Variants in APLF observed in about 807,000 individuals in gnomAD.
APLF encodes aprataxin and PNKP like factor, also known as aprataxin and PNK-like factor.
A neutral mutation model predicts 55.6 loss-of-function variants in APLF; 61 were observed. The observed-to-expected ratio is 1.10, with a 90% CI of 0.89 to 1.36. The LOEUF is 1.36. Among genes scored for constraint, APLF ranks in the 40% most tolerant of loss-of-function variants. The probability of loss-of-function intolerance (pLI) is 0.00; values close to 1 mark genes in which losing one functional copy is unlikely to be tolerated. For synonymous variants in APLF, 207 were observed against 214.8 expected, an observed-to-expected ratio of 0.96 and a Z score of 0.32; for missense variants, 611 against 602.5, an observed-to-expected ratio of 1.01 and a Z score of -0.15.
At chr2:68,558,515 TTTG>T (rs1228985552) in intron 8 of APLF, among the ~76,000 whole-genome samples, 1 of 152,218 alleles carries the variant, frequency 6.6e-6, no homozygotes, top group Non-Finnish European at 1.5e-5. Context: ...GATAAACCAT[TTTG>T]TTTTGATAGG....
intron 8 of APLF, among the ~76,000 whole-genome samples, chr2:68,554,097 G>C (rs1670942946): frequency 6.6e-6 from 1 of 151,948 alleles, no homozygotes; most frequent in African/African-American, 2.4e-5. Flanking sequence ...TAGGTTCAAA[G>C]TTTTATCACT....
At chr2:68,573,823 G>A (rs980026575) in intron 9 of APLF, among the ~76,000 whole-genome samples, 1 of 151,970 alleles carries the variant, frequency 6.6e-6, no homozygotes, top group Non-Finnish European at 1.5e-5. Context: ...TTTTTGTTGG[G>A]TAAGATGTGA....
intron 1 of APLF, among the ~76,000 whole-genome samples, chr2:68,479,075 G>A (rs1242330033): frequency 1.3e-5 from 2 of 152,116 alleles, no homozygotes; most frequent in East Asian, 3.8e-4. Flanking sequence ...CATGAGTTGA[G>A]TAACGAAGGT....
At chr2:68,548,800 A>G (rs1295146323) in intron 8 of APLF, among the ~76,000 whole-genome samples, 1 of 151,790 alleles carries the variant, frequency 6.6e-6, no homozygotes, top group Non-Finnish European at 1.5e-5. Context: ...AGTGGAGAGA[A>G]TGTAGAATAA....
intron 5 of APLF, among the ~76,000 whole-genome samples, chr2:68,520,296 C>T (rs1340914919): frequency 6.6e-6 from 1 of 151,818 alleles, no homozygotes; most frequent in African/African-American, 2.4e-5. Context: ...ATTTCTTTTG[C>T]GTGCAGAAGC....
At chr2:68,494,388 A>C (rs1676472664) in intron 2 of APLF, among the ~76,000 whole-genome samples, 1 of 151,224 alleles carries the variant, frequency 6.6e-6, no homozygotes, top group African/African-American at 2.4e-5. Flanking sequence ...GTGAAGCCTT[A>C]GGGAACTTTC....
At chr2:68,470,415 T>C (rs1675581024) in intron 1 of APLF, among the ~76,000 whole-genome samples, 1 of 152,214 alleles carries the variant, frequency 6.6e-6, no homozygotes, top group Non-Finnish European at 1.5e-5. Context: ...TCAGTATCAA[T>C]ATCTTAGGTT....
At chr2:68,531,274 G>A (rs375778203) in intron 6 of APLF, 2 of 152,320 alleles carry the variant, frequency 1.3e-5, no homozygotes, top group African/African-American at 4.8e-5. Context: ...CCTCTCTAGC[G>A]AGAGGTAGCT....
At chr2:68,551,603 C>CTTT (rs70954311) in intron 8 of APLF, among the ~76,000 whole-genome samples, 2,135 of 115,614 alleles carry the variant, frequency 0.018, 33 homozygotes, top group African/African-American at 0.03. Context: ...TCTTCTTCTT[C>CTTT]TTTTTTTTTT....
At position 68,513,958 on chromosome 2, in the gene APLF, G is replaced by T. The variant is rs143423769; in HGVS notation, c.622+278G>T. Among the ~76,000 whole-genome samples the T allele has an allele frequency of 5.2e-3, 793 of 151,752 alleles. 2 individuals are homozygous for T. The highest frequency in any genetic ancestry group is 8.3e-3 in the Admixed American group (126 of 15,190). ...TAAAGACTTCCAAACAAACCTCTTGGTGCTATGTCTAGGATAAAAGGCCAG... is the reference window on the plus strand; with the variant it reads ...TAAAGACTTCCAAACAAACCTCTTGTTGCTATGTCTAGGATAAAAGGCCAG... On this transcript the variant is annotated intron_variant, in intron 5 of 9. Transcript: ENST00000303795.
At chr2:68,493,789 C>T (rs780985125) in intron 2 of APLF, among the ~76,000 whole-genome samples, 1 of 152,152 alleles carries the variant, frequency 6.6e-6, no homozygotes, top group Non-Finnish European at 1.5e-5. Flanking sequence ...CATGGTGAAA[C>T]CCTGTCTCTA....
chr2:68,504,803 T>G (rs750468439), intron 3 of APLF, among the ~76,000 whole-genome samples: 4 of 151,916 alleles, frequency 2.6e-5, no homozygotes, highest in African/African-American at 9.7e-5. Context: ...GCCACAAAAG[T>G]GTCTATTATA....
chr2:68,571,215 T>C (rs909046924), intron 9 of APLF, among the ~76,000 whole-genome samples: 3 of 152,162 alleles, frequency 2.0e-5, no homozygotes, highest in Admixed American at 1.3e-4. Context: ...GGTGAGTAGA[T>C]TGCAAAAATT....
At chr2:68,515,701 A>C in intron 5 of APLF, 1 of 984,000 alleles carries the variant, frequency 1.0e-6, no homozygotes, top group Non-Finnish European at 1.2e-6. Context: ...AAAATGCTAA[A>C]GCTTCAAAAT....
At chr2:68,496,321 T>A (rs945601738) in intron 2 of APLF, among the ~76,000 whole-genome samples, 1 of 152,148 alleles carries the variant, frequency 6.6e-6, no homozygotes, top group African/African-American at 2.4e-5. Flanking sequence ...GCCAGCCTGG[T>A]CTCAAGCTCC....
chr2:68,493,049 CTG>C (rs2103912941), intron 2 of APLF, among the ~76,000 whole-genome samples: 1 of 152,162 alleles, frequency 6.6e-6, no homozygotes, highest in East Asian at 1.9e-4. Context: ...TCTTTGAACT[CTG>C]TAGTATTTTT....
At chr2:68,508,860 T>C (rs1330233524) in intron 3 of APLF, among the ~76,000 whole-genome samples, 2 of 152,138 alleles carry the variant, frequency 1.3e-5, no homozygotes, top group African/African-American at 4.8e-5. Flanking sequence ...ATGGTACTGG[T>C]ACCAAAACAG....
intron 8 of APLF, among the ~76,000 whole-genome samples, chr2:68,553,137 G>T (rs1483613394): frequency 2.0e-5 from 3 of 152,070 alleles, no homozygotes; most frequent in Non-Finnish European, 2.9e-5. Context: ...ACGACTGTTA[G>T]TCTTGGCTTT....
At chr2:68,518,317 T>C (rs1258700378) in intron 5 of APLF, among the ~76,000 whole-genome samples, 1 of 112,964 alleles carries the variant, frequency 8.9e-6, no homozygotes, top group African/African-American at 3.6e-5. Context: ...TATTATTTAA[T>C]AATATATAAT....
Sources: gnomAD v4.1 joint callset for allele counts (sites outside exome capture counted in the v4.1 genomes callset) on GRCh38, gnomAD v4.1.1 for gene constraint, MANE v1.5 for transcripts, NCBI Gene and HGNC (gene_info 2026-07-23, HGNC 2026-07-21) for gene names.